The following TLE4 variants were observed in gnomAD, a reference collection of about 807,000 sequenced individuals.
TLE4 encodes the protein transducin-like enhancer protein 4.
Under a neutral mutation model 92.8 loss-of-function variants are expected in TLE4, and 8 were observed. That is an observed-to-expected ratio of 0.09 (90% CI 0.05 to 0.16). The LOEUF is 0.16. TLE4 is among the 10% of genes least tolerant of loss of function. TLE4 has a pLI of 1.00. For synonymous variants in TLE4, 371 were observed against 374.1 expected (o/e 0.99, Z 0.10); for missense variants, 675 against 997.6 (o/e 0.68, Z 4.36).
At chr9:79,653,348 A>G (rs1377724615) in intron 7 of TLE4, among the ~76,000 whole-genome samples, 1 of 152,230 alleles carries the variant, frequency 6.6e-6, no homozygotes, top group Admixed American at 6.5e-5. Flanking sequence ...GAAGCATGAA[A>G]TTAACTAATT....
chr9:79,664,823 G>A (rs2061127245), intron 8 of TLE4, among the ~76,000 whole-genome samples: 3 of 152,160 alleles, frequency 2.0e-5, no homozygotes, highest in Middle Eastern at 3.4e-3. Flanking sequence ...CTTGTAAACT[G>A]TTTTGCTCAC....
intron 8 of TLE4, among the ~76,000 whole-genome samples, chr9:79,682,717 C>A (rs988531714): frequency 6.6e-6 from 1 of 152,148 alleles, no homozygotes; most frequent in South Asian, 2.1e-4. Context: ...AGGACCTTTC[C>A]CCGGCATTTA....
intron 14 of TLE4, among the ~76,000 whole-genome samples, chr9:79,714,022 C>CG (rs1294517135): frequency 6.6e-6 from 1 of 152,122 alleles, no homozygotes; most frequent in African/African-American, 2.4e-5. Context: ...TGCGCCACCA[C>CG]ACCTGGCTAA....
Position 79,720,073 on chromosome 9 carries a change from A to C in TLE4, c.1618A>C (p.Arg540=). 1 of 1,613,502 alleles carries C rather than the reference A, an allele frequency of 6.2e-7. No individual in the cohort carries two copies. The highest frequency in any genetic ancestry group is 8.5e-7 in the Non-Finnish European group (1 of 1,179,452). ...LNRDNYIRSC[R]LLPDGRTLIV... The stretch of plus-strand genomic sequence containing the variant: ...CAGGGATAACTACATCCGTTCCTGC[A>C]GATTGCTCCCTGATGGTCGCACCCT... The change falls in exon 16 of 20, where the codon AGA becomes CGA. Residue 540 remains arginine, a synonymous_variant. Coordinates refer to ENST00000376552, the MANE Select transcript of TLE4 (RefSeq NM_007005.6).
intron 5 of TLE4, among the ~76,000 whole-genome samples, chr9:79,616,991 C>T (rs1026287894): frequency 2.0e-5 from 3 of 152,202 alleles, no homozygotes; most frequent in African/African-American, 7.2e-5. Flanking sequence ...ATGTAACAGA[C>T]TTGGCATAGG....
chr9:79,719,790 G>T (rs1226067221), intron 15 of TLE4, among the ~76,000 whole-genome samples: 1 of 152,172 alleles, frequency 6.6e-6, no homozygotes, highest in Non-Finnish European at 1.5e-5. Flanking sequence ...TTTGGTGGTG[G>T]TGGGAGTGGG....
rs368709896 is a variant in TLE4 at position 79,635,751 on chromosome 9, C to G, written c.390+8303C>G. On this transcript the variant is annotated intron_variant, in intron 6 of 19. Transcript: ENST00000376552. ...ACTGTTGCCGTCTCTTTTGCTAGTG[C>G]TATACTGTGTTGATGACTATAGCTT... Among the ~76,000 whole-genome samples the G allele has an allele frequency of 2.0e-5, 3 of 152,114 alleles. No individual in the cohort carries two copies. In the South Asian group the frequency reaches 6.2e-4, roughly 31 times the overall value.
chr9:79,716,538 C>T (rs1405011762), intron 14 of TLE4, among the ~76,000 whole-genome samples: 1 of 152,172 alleles, frequency 6.6e-6, no homozygotes, highest in Non-Finnish European at 1.5e-5. Flanking sequence ...GTATTGTTCA[C>T]CTGATTCCCC....
chr9:79,723,410 T>A (rs1030125433), intron 19 of TLE4, among the ~76,000 whole-genome samples: 2 of 152,240 alleles, frequency 1.3e-5, no homozygotes, highest in African/African-American at 4.8e-5. Context: ...TAGTAGTAGT[T>A]TTTTTATTTT....
At chr9:79,655,499 T>G (rs897943495) in intron 8 of TLE4, among the ~76,000 whole-genome samples, 2 of 152,212 alleles carry the variant, frequency 1.3e-5, no homozygotes, top group African/African-American at 2.4e-5. Flanking sequence ...GCCTATCTGT[T>G]TTACCCTTCA....
At chr9:79,652,225 C>T (rs1349478083) in intron 6 of TLE4, among the ~76,000 whole-genome samples, 1 of 151,358 alleles carries the variant, frequency 6.6e-6, no homozygotes, top group Non-Finnish European at 1.5e-5. Context: ...CTTGCTCTGT[C>T]GCCCAGGCTG....
intron 6 of TLE4, among the ~76,000 whole-genome samples, chr9:79,652,297 C>G (rs1027874401): frequency 6.6e-6 from 1 of 152,280 alleles, no homozygotes; most frequent in African/African-American, 2.4e-5. Flanking sequence ...CGCCATTCTC[C>G]TGCCTCAGCC....
At chr9:79,612,808 G>GC (rs1453377182) in intron 5 of TLE4, 90 bp downstream of exon 5, 4 of 1,087,708 alleles carry the variant, frequency 3.7e-6, no homozygotes, top group African/African-American at 3.1e-5. Flanking sequence ...CTCTGGCCTT[G>GC]CCAGTCTCTT....
intron 5 of TLE4, among the ~76,000 whole-genome samples, chr9:79,617,557 CAAG>C (rs1297956347): frequency 6.6e-6 from 1 of 152,120 alleles, no homozygotes; most frequent in Admixed American, 6.6e-5. Context: ...GCTTCAGTAA[CAAG>C]GAGCACATTC....
intron 8 of TLE4, among the ~76,000 whole-genome samples, chr9:79,691,478 T>C (rs1428080349): frequency 6.6e-6 from 1 of 152,180 alleles, no homozygotes; most frequent in East Asian, 1.9e-4. Flanking sequence ...TTTTAGGATA[T>C]GTGTGTCATC....
chr9:79,605,433 C>T (rs1294206160), intron 4 of TLE4, among the ~76,000 whole-genome samples: 2 of 152,064 alleles, frequency 1.3e-5, no homozygotes, highest in Admixed American at 6.6e-5. Flanking sequence ...TTATCTCTCT[C>T]GATCACTGTT....
rs755652896 is a variant in TLE4 at position 79,706,739 on chromosome 9, C to T, written c.784-8C>T. On this transcript the variant is annotated splice_polypyrimidine_tract_variant and splice_region_variant and intron_variant, in intron 10 of 19. Coordinates refer to ENST00000376552, the MANE Select transcript of TLE4 (RefSeq NM_007005.6). ...GCTTGCATTACTGTCCACGATGTTC[C>T]TTTGTAGGATCCATCTTCCCCTCGA... is the stretch of plus-strand genomic sequence containing the variant. 4.3e-6 allele frequency: 7 copies of T among 1,612,350 alleles called. No homozygotes were observed. The South Asian group carries it at 7.7e-5, about 18-fold the overall frequency.
At position 79,574,897 on chromosome 9, in the gene TLE4, C is replaced by T. The variant is rs537705134; in HGVS notation, c.168C>T (p.Leu56=). Residue 56 remains leucine, a synonymous_variant, in exon 3 of 20, where the codon CTC becomes CTT. Coordinates refer to ENST00000376552, the MANE Select transcript of TLE4 (RefSeq NM_007005.6). ...GTCTGAAGCTGGAATGTGAGAAACTCGCCAGTGAGAAGACAGAGATGCAGC... is the reference window on the plus strand; with the variant it reads ...GTCTGAAGCTGGAATGTGAGAAACTTGCCAGTGAGAAGACAGAGATGCAGC... ...YHSLKLECEK[L]ASEKTEMQRH... is the part of the protein sequence containing the mutation. The T allele has an allele frequency of 5.6e-6, 9 of 1,613,406 alleles. No homozygotes were observed. The South Asian group carries it at 7.7e-5, about 14-fold the overall frequency.
intron 8 of TLE4, among the ~76,000 whole-genome samples, chr9:79,655,397 C>G (rs1194332764): frequency 6.6e-6 from 1 of 152,138 alleles, no homozygotes; most frequent in Non-Finnish European, 1.5e-5. Flanking sequence ...AACCACTGTG[C>G]TAGCACTTTG....
Sources: allele counts gnomAD v4.1 joint callset (sites outside exome capture counted in the v4.1 genomes callset), GRCh38; gene constraint gnomAD v4.1.1; transcripts MANE v1.5; gene names NCBI Gene and HGNC (gene_info 2026-07-23, HGNC 2026-07-21).